SCN1A: variants seen among roughly 807,000 people sequenced by gnomAD.
SCN1A encodes the protein sodium channel protein type 1 subunit alpha.
Under a neutral mutation model 193.7 loss-of-function variants are expected in SCN1A, and 13 were observed. The ratio of observed to expected loss-of-function variants is 0.07; its 90% CI spans 0.04 to 0.11. SCN1A has a LOEUF of 0.11. Among genes scored for constraint, SCN1A ranks in the 10% least tolerant of loss-of-function variants. SCN1A has a pLI of 1.00. For missense variants in SCN1A, 1,432 were observed against 2,451.1 expected (o/e 0.58, Z 8.78); for synonymous variants, 781 against 843.6 (o/e 0.93, Z 1.29).
intron 23 of SCN1A, 113 bp downstream of exon 23, chr2:166,009,606 A>G: frequency 1.0e-6 from 1 of 968,234 alleles, no homozygotes; most frequent in Non-Finnish European, 1.5e-6. Context: ...ATAAAGTAGC[A>G]ATTTTGCAAG....
rs1698929096 is a variant in SCN1A, at chr2:166,054,567, T to C, written c.602+71A>G. The C allele has an allele frequency of 3.3e-6, 5 of 1,502,656 alleles. No individual in the cohort carries two copies. In the South Asian group the frequency reaches 5.7e-5, roughly 17 times the overall value. The allele number at this position is 1,502,656 out of a possible 1,614,324, so 93.1% of individuals were successfully genotyped here. A position where few individuals can be genotyped will look rare whatever the true frequency, so the allele number is the denominator to read the frequency against. On this transcript the variant is annotated intron_variant, in intron 7 of 28. Transcript: ENST00000674923. ...ATATTCTACAGGTAAAGCAAACCTA[T>C]TCTTAAAAGCATAAGCACTGATGGA...
chr2:166,039,202 G>C (rs1230159833), intron 17 of SCN1A, among the ~76,000 whole-genome samples: 1 of 102,686 alleles, frequency 9.7e-6, no homozygotes, highest in Non-Finnish European at 2.0e-5. Context: ...TAGCAACTGA[G>C]TAATACGTTA....
chr2:166,039,803 A>G (rs1385715912), intron 16 of SCN1A, among the ~76,000 whole-genome samples: 1 of 152,104 alleles, frequency 6.6e-6, no homozygotes, highest in Non-Finnish European at 1.5e-5. Flanking sequence ...ATAATATACA[A>G]TTATTACTTT....
rs2298771 is a variant in SCN1A at position 166,036,278 on chromosome 2, C to T, written c.3199G>A (p.Ala1067Thr). ...KKDSCMSNHTAEIGKDLDYLK... is the reference protein window; with the variant it reads ...KKDSCMSNHTTEIGKDLDYLK... ...TAGTCAAGATCTTTCCCAATTTCTG[C>T]TGTATGATTGGACATACAACTGTCT... The change falls in exon 19 of 29, where the codon GCA becomes ACA. Residue 1067 changes from alanine to threonine, a missense_variant. Transcript: ENST00000674923. 0.71 allele frequency: 1,138,442 copies of T among 1,613,022 alleles called. 404,559 individuals carry two copies. Among genetic ancestry groups the T allele is most frequent in the East Asian group, 0.89 (40,096 of 44,812 alleles).
intron 2 of SCN1A, among the ~76,000 whole-genome samples, chr2:166,090,573 G>T (rs1686688640): frequency 6.6e-6 from 1 of 152,116 alleles, no homozygotes; most frequent in South Asian, 2.1e-4. Flanking sequence ...CAGGCCATAG[G>T]TTCTTCACTA....
At chr2:166,080,096 A>T (rs1685353973) in intron 2 of SCN1A, among the ~76,000 whole-genome samples, 2 of 151,668 alleles carry the variant, frequency 1.3e-5, no homozygotes, top group Non-Finnish European at 3.0e-5. Context: ...TTATTCTATT[A>T]AAATACAGAA....
At chr2:166,001,879 C>CTCTTT (rs1559125880) in intron 24 of SCN1A, among the ~76,000 whole-genome samples, 3 of 46,402 alleles carry the variant, frequency 6.5e-5, no homozygotes, top group Admixed American at 2.7e-4. Context: ...AATTCTCTCT[C>CTCTTT]TTTTTTTTTT....
chr2:166,135,644 G>T (rs939923168), intron 1 of SCN1A, among the ~76,000 whole-genome samples: 1 of 152,102 alleles, frequency 6.6e-6, no homozygotes, highest in African/African-American at 2.4e-5. Flanking sequence ...CTTGAGAAAA[G>T]CAAGAATTCT....
chr2:166,115,000 T>G (rs1163337275), intron 2 of SCN1A, among the ~76,000 whole-genome samples: 1 of 152,214 alleles, frequency 6.6e-6, no homozygotes, highest in Non-Finnish European at 1.5e-5. Flanking sequence ...ATAATATCAA[T>G]GCATTCCATA....
At chr2:166,106,981 T>A (rs1688763747) in intron 2 of SCN1A, among the ~76,000 whole-genome samples, 1 of 152,184 alleles carries the variant, frequency 6.6e-6, no homozygotes, top group African/African-American at 2.4e-5. Flanking sequence ...GTCTTGTACA[T>A]GAATATCATT....
At chr2:166,065,923 A>G (rs770975427) in intron 4 of SCN1A, among the ~76,000 whole-genome samples, 2 of 152,220 alleles carry the variant, frequency 1.3e-5, no homozygotes, top group Non-Finnish European at 2.9e-5. Flanking sequence ...ATTCAAAATT[A>G]TAAATAATTT....
chr2:166,088,676 TAC>T (rs1686417803), intron 2 of SCN1A, among the ~76,000 whole-genome samples: 1 of 152,362 alleles, frequency 6.6e-6, no homozygotes, highest in South Asian at 2.1e-4. Flanking sequence ...CCTGCTACCC[TAC>T]ATTCACCCCC....
chr2:166,052,709 A>G (rs903067751), intron 8 of SCN1A, 143 bp downstream of exon 8: 5 of 780,214 alleles, frequency 6.4e-6, no homozygotes, highest in Non-Finnish European at 1.1e-5. Flanking sequence ...AAGGCTGATA[A>G]AGCTTATGTC....
At chr2:166,044,134 G>A in intron 13 of SCN1A, 85 bp from the exon 14 acceptor site, 1 of 1,449,106 alleles carries the variant, frequency 6.9e-7, no homozygotes, top group Non-Finnish European at 9.5e-7. Flanking sequence ...TATGTAGAAG[G>A]AGATTTCAGC....
intron 2 of SCN1A, among the ~76,000 whole-genome samples, chr2:166,113,070 G>A (rs1454930335): frequency 6.6e-6 from 1 of 152,132 alleles, no homozygotes; most frequent in African/African-American, 2.4e-5. Flanking sequence ...AGAGGCCTGG[G>A]TCTTGCAACT....
intron 4 of SCN1A, among the ~76,000 whole-genome samples, chr2:166,064,148 ACT>A (rs1338650088): frequency 3.9e-5 from 6 of 152,120 alleles, no homozygotes; most frequent in African/African-American, 1.4e-4. Context: ...AAGGGTGCAA[ACT>A]CTGAAATTAG....
intron 13 of SCN1A, among the ~76,000 whole-genome samples, chr2:166,044,836 G>T: frequency 6.6e-6 from 1 of 152,142 alleles, no homozygotes; most frequent in East Asian, 1.9e-4. Flanking sequence ...TGTCAACTTG[G>T]TGTTATCTTA....
chr2:166,090,527 G>C (rs1009834375), intron 2 of SCN1A, among the ~76,000 whole-genome samples: 7 of 152,102 alleles, frequency 4.6e-5, no homozygotes, highest in African/African-American at 1.7e-4. Flanking sequence ...GGGCAAATAG[G>C]AATTTTGCAA....
chr2:166,116,478 C>G (rs1366580276), intron 2 of SCN1A, among the ~76,000 whole-genome samples: 1 of 152,108 alleles, frequency 6.6e-6, no homozygotes, highest in Non-Finnish European at 1.5e-5. Context: ...TCTTCTCTAT[C>G]CTGCATAATT....
Sources: allele counts gnomAD v4.1 joint callset (sites outside exome capture counted in the v4.1 genomes callset), GRCh38; gene constraint gnomAD v4.1.1; transcripts MANE v1.5; gene names NCBI Gene and HGNC (gene_info 2026-07-23, HGNC 2026-07-21).